The following ITPKC variants were observed in gnomAD, a reference collection of about 807,000 sequenced individuals.
ITPKC encodes the protein inositol-trisphosphate 3-kinase C, also known as IP3 3-kinase C.
In ITPKC, 33 loss-of-function variants were observed where a neutral mutation model predicts 67.1. That is an observed-to-expected ratio of 0.49 (90% CI 0.37 to 0.66). The LOEUF (loss-of-function observed/expected upper bound fraction) is 0.66. Among genes scored for constraint, ITPKC ranks in the 30% least tolerant of loss-of-function variants. The probability of loss-of-function intolerance (pLI) is 0.00; values close to 1 mark genes in which losing one functional copy is unlikely to be tolerated. For missense variants in ITPKC, 820 were observed against 892.1 expected (o/e 0.92, Z 1.03); for synonymous variants, 341 against 359.8 (o/e 0.95, Z 0.59).
Position 40,733,238 on chromosome 19 carries a change from T to G in ITPKC, c.1548T>G (p.Ala516=), listed in dbSNP as rs1219027347. The G allele has an allele frequency of 6.2e-7, 1 of 1,614,242 alleles. No homozygotes were observed. The highest frequency in any genetic ancestry group is 1.7e-5 in the Admixed American group (1 of 60,026). ...AGGACATGTATGAGAAGATGGTGGC[T>G]GTGGACCCTGGGGCCCCTACCCCTG... The part of the protein sequence containing the change: ...PRKDMYEKMV[A]VDPGAPTPEE... Residue 516 remains alanine (A), a synonymous_variant, in exon 4 of 7, where the codon GCT becomes GCG. Transcript: ENST00000263370.
intron 6 of ITPKC, 72 bp downstream of exon 6, chr19:40,737,841 T>C (rs1221755234): frequency 7.8e-7 from 1 of 1,275,540 alleles, no homozygotes; most frequent in African/African-American, 1.5e-5. Context: ...AAACCATTGA[T>C]GAGTTACAGG....
At position 40,739,999 on chromosome 19, in the gene ITPKC, G is replaced by C. The variant is rs2082316607; in HGVS notation, c.*439G>C. On this transcript the variant is annotated 3_prime_UTR_variant, in exon 7 of 7. Coordinates refer to ENST00000263370, the MANE Select transcript of ITPKC (RefSeq NM_025194.3). Reference sequence around the variant, plus strand: ...GCCAGGGACTGGGTCAGGCTCATCTGTGGCGCCTCAGAGGGTCAGCATCAT... The same window carrying C: ...GCCAGGGACTGGGTCAGGCTCATCTCTGGCGCCTCAGAGGGTCAGCATCAT... The C allele has an allele frequency of 5.5e-6, 1 of 182,708 alleles. No individual in the cohort carries two copies. Among genetic ancestry groups the C allele is most frequent in the Admixed American group, 5.6e-5 (1 of 17,848 alleles). The allele number at this position is 182,708 out of a possible 1,614,324, so 11.3% of individuals were successfully genotyped here. A position where few individuals can be genotyped will look rare whatever the true frequency, so the allele number is the denominator to read the frequency against.
At chr19:40,725,569 G>A in intron 2 of ITPKC, 130 bp downstream of exon 2, 1 of 712,196 alleles carries the variant, frequency 1.4e-6, no homozygotes, top group Non-Finnish European at 2.5e-6. Context: ...GACTGTTATG[G>A]GCAGTGCTTA....
chr19:40,732,621 C>T (rs986670118), intron 3 of ITPKC, among the ~76,000 whole-genome samples: 14 of 151,508 alleles, frequency 9.2e-5, no homozygotes, highest in East Asian at 1.9e-4. Flanking sequence ...TAACTAACAC[C>T]GGGTCTCGCT....
rs759839145 is a variant in ITPKC at position 40,725,415 on chromosome 19, T to G, written c.1231T>G (p.Trp411Gly). 4.3e-6 allele frequency: 7 copies of G among 1,611,886 alleles called. No homozygotes were observed. In the Admixed American group the frequency reaches 1.2e-4, roughly 27 times the overall value. The change falls in exon 2 of 7, where the codon TGG becomes GGG. Residue 411 changes from tryptophan (W) to glycine (G), a missense_variant. By Grantham distance (184) the Trp-to-Gly change is radical. This residue lies in a region of ITPKC where 339 missense variants were observed against 422.0 expected (regional missense o/e 0.80). Coordinates refer to ENST00000263370, the MANE Select transcript of ITPKC (RefSeq NM_025194.3). ...GGTCTCCTTCCGAAAACACTACCCT[T>G]GGGTCCAGCTTTCTGGACATGCTGG... Reference protein sequence around the residue: ...FVVSFRKHYPWVQLSGHAGNF... With the variant: ...FVVSFRKHYPGVQLSGHAGNF...
chr19:40,724,320 T>C (rs957831011), intron 1 of ITPKC, among the ~76,000 whole-genome samples: 3 of 151,892 alleles, frequency 2.0e-5, no homozygotes, highest in African/African-American at 7.3e-5. Context: ...AGTCCAGGAG[T>C]TGGAGGTTGC....
chr19:40,718,306 C>T lies in ITPKC; in HGVS notation c.1155+16C>T, dbSNP rs769653167. On this transcript the variant is annotated intron_variant, in intron 1 of 6. Coordinates refer to ENST00000263370, the MANE Select transcript of ITPKC (RefSeq NM_025194.3). ...CAGGTCTGGGGTGAGTGGGACCCAT[C>T]CTGCCCTTGAGCCACATCACGCAAA... The T allele has an allele frequency of 6.7e-7, 1 of 1,500,092 alleles. No homozygotes were observed. The highest frequency in any genetic ancestry group is 2.3e-5 in the Admixed American group (1 of 43,948). The allele number at this position is 1,500,092 out of a possible 1,614,324, so 92.9% of individuals were successfully genotyped here.
intron 1 of ITPKC, among the ~76,000 whole-genome samples, chr19:40,723,890 G>C: frequency 6.6e-6 from 1 of 152,176 alleles, no homozygotes; most frequent in Middle Eastern, 3.2e-3. Flanking sequence ...CCAAATCTTA[G>C]TGACTTAGAA....
In ITPKC at chr19:40,720,477, C is replaced by A. The variant is rs80262581; in HGVS notation, c.1155+2187C>A. ...TCAGAGCCAGGATTCTAACTCAGTT[C>A]TGGCTGAGTTTCAAACCCATCGTTT... On this transcript the variant is annotated intron_variant, in intron 1 of 6. Transcript: ENST00000263370. 4.0e-3 allele frequency among the ~76,000 whole-genome samples: 609 copies of A among 152,160 alleles called. 3 individuals carry two copies. The highest frequency in any genetic ancestry group is 0.014 in the African/African-American group (592 of 41,512).
At position 40,717,463 on chromosome 19, in the gene ITPKC, A is replaced by C; in HGVS notation, c.328A>C (p.Lys110Gln). The change falls in exon 1 of 7, where the codon AAG (lysine) becomes CAG (glutamine). Residue 110 changes from lysine (K) to glutamine (Q), a missense_variant. Transcript: ENST00000263370. ...AGLGVETERP[K>Q]QKTEPDRSSL... ...CCTTGGAGTAGAGACCGAGAGGCCCAAGCAAAAGACGGAGCCAGACAGGTC... is the reference window on the plus strand; with the variant it reads ...CCTTGGAGTAGAGACCGAGAGGCCCCAGCAAAAGACGGAGCCAGACAGGTC... 1 of 1,614,052 alleles carries C rather than the reference A, an allele frequency of 6.2e-7. No individual in the cohort carries two copies. The highest frequency in any genetic ancestry group is 8.5e-7 in the Non-Finnish European group (1 of 1,179,990).
rs933174513 is a variant in ITPKC at position 40,733,425 on chromosome 19, G to C, written c.1674+61G>C. The stretch of plus-strand genomic sequence containing the variant: ...GGCCTATAGCCAGATCCCAGGCAGG[G>C]CTTCTTGGGGAAAGCCACGAGAGAG... On this transcript the variant is annotated intron_variant, in intron 4 of 6. Transcript: ENST00000263370. 23 of 1,490,476 alleles carry C rather than the reference G, an allele frequency of 1.5e-5. No individual in the cohort carries two copies. In the African/African-American group the frequency reaches 2.8e-4, roughly 18 times the overall value. 92.3% of individuals were successfully genotyped at this position (1,490,476 alleles called of 1,614,324 possible).
intron 1 of ITPKC, among the ~76,000 whole-genome samples, chr19:40,721,496 A>C (rs2082222299): frequency 6.6e-6 from 1 of 151,700 alleles, no homozygotes; most frequent in African/African-American, 2.4e-5. Flanking sequence ...TCGGCCTCCC[A>C]AGTAGCTGGG....
intron 1 of ITPKC, among the ~76,000 whole-genome samples, chr19:40,721,480 C>T (rs1465062492): frequency 2.0e-5 from 3 of 151,834 alleles, no homozygotes; most frequent in African/African-American, 7.3e-5. Context: ...AAGTGATTCT[C>T]CTGCCTCGGC....
At chr19:40,732,959 A>C (rs1349400162) in intron 3 of ITPKC, among the ~76,000 whole-genome samples, 1 of 152,170 alleles carries the variant, frequency 6.6e-6, no homozygotes, top group Non-Finnish European at 1.5e-5. Flanking sequence ...TATTGAAAAG[A>C]CTTCCCTTTC....
Position 40,717,599 on chromosome 19 carries a change from A to G in ITPKC, c.464A>G (p.Gln155Arg), listed in dbSNP as rs1364393715. 5 of 1,614,144 alleles carry G rather than the reference A, an allele frequency of 3.1e-6. No homozygotes were observed. Among genetic ancestry groups the G allele is most frequent in the South Asian group, 1.1e-5 (1 of 91,086 alleles). Residue 155 changes from glutamine (Q) to arginine (R), a missense_variant, in exon 1 of 7, where the codon CAG becomes CGG. This residue lies in a region of ITPKC where 481 missense variants were observed against 470.1 expected (regional missense o/e 1.02). Transcript: ENST00000263370. ...ACTGATCCGCACAGGTCCGACCTCC[A>G]GTTTCAGCCCGAGGAGGCCAGCCCC... Reference protein sequence around the residue: ...LWTDPHRSDLQFQPEEASPWT... With the variant: ...LWTDPHRSDLRFQPEEASPWT...
rs111436795 is a variant in ITPKC, at chr19:40,740,527, G to A, written c.*967G>A. 547 of 211,996 alleles carry A rather than the reference G, an allele frequency of 2.6e-3. 4 individuals carry two copies. Among genetic ancestry groups the A allele is most frequent in the African/African-American group, 0.012 (517 of 43,478 alleles). 13.1% of individuals were successfully genotyped at this position (211,996 alleles called of 1,614,324 possible). A position where few individuals can be genotyped will look rare whatever the true frequency, so the allele number is the denominator to read the frequency against. ...GTGTCAGAGGCGCAGGGTGGGTGGG[G>A]CTGCCAGCCAGGACCCTGGCCTGCA... On this transcript the variant is annotated 3_prime_UTR_variant, in exon 7 of 7. Transcript: ENST00000263370.
At chr19:40,719,737 C>T (rs1343685492) in intron 1 of ITPKC, among the ~76,000 whole-genome samples, 1 of 152,024 alleles carries the variant, frequency 6.6e-6, no homozygotes, top group Non-Finnish European at 1.5e-5. Flanking sequence ...GTGATCCACC[C>T]GCCTCAGCCT....
rs2082281162 is a variant in ITPKC at position 40,733,459 on chromosome 19, A to G, written c.1674+95A>G. ...GGAAAGCCACGAGAGAGTGCAGGAG[A>G]CGGCGTGGGATGAAAGGCTGGGGCT... is the stretch of plus-strand genomic sequence containing the variant. On this transcript the variant is annotated intron_variant, in intron 4 of 6. Coordinates refer to ENST00000263370, the MANE Select transcript of ITPKC (RefSeq NM_025194.3). The G allele has an allele frequency of 6.8e-6, 8 of 1,174,268 alleles. No individual in the cohort carries two copies. In the Admixed American group the frequency reaches 2.0e-4, roughly 29 times the overall value. The allele number at this position is 1,174,268 out of a possible 1,614,324, so 72.7% of individuals were successfully genotyped here.
At position 40,718,201 on chromosome 19, in the gene ITPKC, G is replaced by A. The variant is rs561280468; in HGVS notation, c.1066G>A (p.Gly356Ser). The change falls in exon 1 of 7, where the codon GGC (glycine) becomes AGC (serine). Residue 356 changes from glycine to serine, a missense_variant. Around this residue, in one of 2 missense-constraint regions of ITPKC, gnomAD observed 481 missense variants for 470.1 expected, o/e 1.02. Transcript: ENST00000263370. ...PPSRVEGGSG[G>S]FSSASSFDES... ...CTCCCGGGTTGAGGGGGGCAGCGGC[G>A]GCTTCTCCTCTGCCTCTTCTTTCGA... is the stretch of plus-strand genomic sequence containing the variant. 5 of 1,566,462 alleles carry A rather than the reference G, an allele frequency of 3.2e-6. No homozygotes were observed. In the Admixed American group the frequency reaches 7.4e-5, roughly 23 times the overall value.
Sources: gnomAD v4.1 joint callset for allele counts (sites outside exome capture counted in the v4.1 genomes callset) on GRCh38, gnomAD v4.1.1 for gene constraint, gnomAD v4.1.1 regional missense constraint, MANE v1.5 for transcripts, NCBI Gene and HGNC (gene_info 2026-07-23, HGNC 2026-07-21) for gene names.